The following NEURL1B variants were observed in gnomAD, a reference collection of about 807,000 sequenced individuals.
NEURL1B encodes E3 ubiquitin-protein ligase NEURL1B.
Under a neutral mutation model 37.4 loss-of-function variants are expected in NEURL1B, and 13 were observed. The observed-to-expected ratio is 0.35, with a 90% confidence interval of 0.23 to 0.55. The LOEUF is 0.55. Ranked by LOEUF, NEURL1B falls within the 20% of genes least tolerant of loss-of-function variation. The probability of loss-of-function intolerance (pLI) is 0.89; values close to 1 mark genes in which losing one functional copy is unlikely to be tolerated. For missense variants in NEURL1B, 790 were observed against 879.2 expected, an observed-to-expected ratio of 0.90 and a Z score of 1.28; for synonymous variants, 432 against 426.6, an observed-to-expected ratio of 1.01 and a Z score of -0.16.
chr5:172,687,069 G>A lies in NEURL1B; in HGVS notation c.*144G>A. On this transcript the variant is annotated 3_prime_UTR_variant, in exon 5 of 5. Transcript: ENST00000369800. The stretch of plus-strand genomic sequence containing the variant: ...CAAGGTGTGACAGTCGTGGAGCGAG[G>A]CCCACAGGGCCTCAGCCCAGGCAGG... The A allele has an allele frequency of 4.1e-6, 4 of 980,402 alleles. No individual in the cohort carries two copies. The highest frequency in any genetic ancestry group is 5.8e-6 in the Non-Finnish European group (4 of 684,792). The allele number at this position is 980,402 out of a possible 1,614,324, so 60.7% of individuals were successfully genotyped here.
At chr5:172,677,489 G>T (rs1382504319) in intron 2 of NEURL1B, among the ~76,000 whole-genome samples, 2 of 152,172 alleles carry the variant, frequency 1.3e-5, no homozygotes, top group Admixed American at 1.3e-4. Context: ...GCCAGAATTG[G>T]CCAGGGTCCA....
At position 172,684,046 on chromosome 5, in the gene NEURL1B, C is replaced by A; in HGVS notation, c.1205C>A (p.Pro402Gln). ...GTGCTCCTGGGCATCAACGGGCGTC[C>A]GCGCGGCCGCCTGCTGTGCGTCGAC... is the stretch of plus-strand genomic sequence containing the variant. ...GDVLLGINGRPRGRLLCVDTT... is the reference protein window; with the variant it reads ...GDVLLGINGRQRGRLLCVDTT... The change falls in exon 3 of 5, where the codon CCG (proline) becomes CAG (glutamine). Residue 402 changes from proline (P) to glutamine (Q), a missense_variant. This residue lies in a region of NEURL1B where 460 missense variants were observed against 407.4 expected (regional missense o/e 1.13). Transcript: ENST00000369800. The A allele has an allele frequency of 7.5e-7, 1 of 1,331,508 alleles. No homozygotes were observed. Among genetic ancestry groups the A allele is most frequent in the South Asian group, 1.8e-5 (1 of 56,664 alleles). The allele number at this position is 1,331,508 out of a possible 1,614,324, so 82.5% of individuals were successfully genotyped here.
rs1017414673 is a variant in NEURL1B, at chr5:172,641,551, G to A, written c.31+114G>A. On this transcript the variant is annotated intron_variant, in intron 1 of 4. Transcript: ENST00000369800. This position sits in a 1 kb window ranked among gnomAD's most constrained non-coding sequence, Gnocchi z 6.4. Reference sequence around the variant, plus strand: ...GCCCTTGGAGCCCTCGGCTCGCAGCGGGCTGGAGTCTCCGGTACCTCCCGG... The same window carrying A: ...GCCCTTGGAGCCCTCGGCTCGCAGCAGGCTGGAGTCTCCGGTACCTCCCGG... 7 of 945,264 alleles carry A rather than the reference G, an allele frequency of 7.4e-6. No homozygotes were observed. Among genetic ancestry groups the A allele is most frequent in the Middle Eastern group, 7.5e-4 (2 of 2,668 alleles). 58.6% of individuals were successfully genotyped at this position (945,264 alleles called of 1,614,324 possible).
intron 1 of NEURL1B, among the ~76,000 whole-genome samples, chr5:172,653,855 C>G (rs565932874): frequency 1.8e-4 from 27 of 151,514 alleles, no homozygotes; most frequent in African/African-American, 5.3e-4. Flanking sequence ...ATTTTTTTTT[C>G]TTTCACGACT....
chr5:172,669,075 A>G (rs1258918512), intron 1 of NEURL1B, among the ~76,000 whole-genome samples: 6 of 152,184 alleles, frequency 3.9e-5, no homozygotes, highest in Non-Finnish European at 7.3e-5. Context: ...TAATAATATC[A>G]TATTATTAAT....
rs912496719 is a variant in NEURL1B, at chr5:172,657,328, TGGAG to T, written c.32-12455_32-12452del. On this transcript the variant is annotated intron_variant, in intron 1 of 4. Transcript: ENST00000369800. This position sits in a 1 kb window ranked among gnomAD's most constrained non-coding sequence, Gnocchi z 4.0. ...AGATTCTAATCAGGGCTCCTGTGGG[TGGAG>T]GATTACCCAGGTGCCGAGGCAAGAG... Among the ~76,000 whole-genome samples, 4 of 152,010 alleles carry T rather than the reference TGGAG, an allele frequency of 2.6e-5. No homozygotes were observed. Among genetic ancestry groups the T allele is most frequent in the African/African-American group, 7.3e-5 (3 of 41,368 alleles).
At chr5:172,658,519 G>A (rs565677330) in intron 1 of NEURL1B, among the ~76,000 whole-genome samples, 2 of 152,334 alleles carry the variant, frequency 1.3e-5, no homozygotes, top group East Asian at 3.9e-4. Flanking sequence ...GGGCCTCAGA[G>A]CCGAGTGTGG....
chr5:172,670,256 G>T lies in NEURL1B; in HGVS notation c.503G>T (p.Cys168Phe). The T allele has an allele frequency of 7.2e-7, 1 of 1,393,870 alleles. No homozygotes were observed. 86.3% of individuals were successfully genotyped at this position (1,393,870 alleles called of 1,614,324 possible). A position where few individuals can be genotyped will look rare whatever the true frequency, so the allele number is the denominator to read the frequency against. ...GACGGCGAGCCGGTGCTCTTCCACT[G>T]CGGCGTGGCCGTGGGCGGCCCGCTC... ...VNDGEPVLFH[C>F]GVAVGGPLWA... The change falls in exon 2 of 5, where the codon TGC becomes TTC. Residue 168 changes from cysteine to phenylalanine, a missense_variant. Physicochemically the swap from Cys to Phe is radical, Grantham distance 205. Transcript: ENST00000369800.
At chr5:172,656,214 A>C (rs1757773478) in intron 1 of NEURL1B, among the ~76,000 whole-genome samples, 2 of 152,180 alleles carry the variant, frequency 1.3e-5, no homozygotes, top group Admixed American at 1.3e-4. Context: ...ATAATGAGTT[A>C]GGGTAGAGCA....
At chr5:172,653,822 G>A (rs7729963) in intron 1 of NEURL1B, among the ~76,000 whole-genome samples, 2,456 of 152,040 alleles carry the variant, frequency 0.016, 65 homozygotes, top group African/African-American at 0.056. Flanking sequence ...AACATTTCTT[G>A]CGTAAATTCC....
chr5:172,681,455 C>G (rs114383042), intron 2 of NEURL1B, among the ~76,000 whole-genome samples: 401 of 152,338 alleles, frequency 2.6e-3, no homozygotes, highest in African/African-American at 8.9e-3. Context: ...CACTTCTTCC[C>G]TCGAGCTATG....
chr5:172,652,998 T>C (rs1757697068), intron 1 of NEURL1B, among the ~76,000 whole-genome samples: 1 of 152,012 alleles, frequency 6.6e-6, no homozygotes, highest in Non-Finnish European at 1.5e-5. Flanking sequence ...GCAGTCTTGG[T>C]GGTTAGCAGC....
At chr5:172,654,941 T>C (rs1481722764) in intron 1 of NEURL1B, among the ~76,000 whole-genome samples, 1 of 152,168 alleles carries the variant, frequency 6.6e-6, no homozygotes, top group African/African-American at 2.4e-5. Context: ...TCTCTCCCTT[T>C]CTCTTTGACT....
intron 1 of NEURL1B, among the ~76,000 whole-genome samples, chr5:172,648,280 G>A (rs75600881): frequency 0.066 from 10,061 of 152,284 alleles, 789 homozygotes; most frequent in African/African-American, 0.19. Flanking sequence ...GTGTTCACAC[G>A]TAGCACCTGC....
intron 2 of NEURL1B, among the ~76,000 whole-genome samples, chr5:172,682,797 G>A (rs551419518): frequency 2.0e-4 from 31 of 152,318 alleles, no homozygotes; most frequent in Admixed American, 1.7e-3. Flanking sequence ...TTCAACTCAT[G>A]GGTTCAAGTC....
intron 1 of NEURL1B, among the ~76,000 whole-genome samples, chr5:172,654,167 A>G (rs1757720330): frequency 6.6e-6 from 1 of 152,242 alleles, no homozygotes; most frequent in Admixed American, 6.5e-5. Context: ...GATTTCAATT[A>G]TCCTTTGCTG....
chr5:172,684,134 C>G lies in NEURL1B; in HGVS notation c.1293C>G (p.Leu431=), dbSNP rs573744077. Residue 431 remains leucine, a synonymous_variant, in exon 3 of 5, where the codon CTC becomes CTG. Transcript: ENST00000369800. ...VRGGVAGQLR[L]LGTLQSSPAT... ...GCGGCGTCGCGGGCCAGCTGCGTCT[C>G]CTCGGTGAGTCCCCGGCCCCGCGTG... 8.0e-7 allele frequency: 1 copy of G among 1,248,768 alleles called. No homozygotes were observed. The allele number at this position is 1,248,768 out of a possible 1,614,324, so 77.4% of individuals were successfully genotyped here.
intron 1 of NEURL1B, among the ~76,000 whole-genome samples, chr5:172,658,145 C>T (rs967769459): frequency 3.9e-5 from 6 of 152,170 alleles, no homozygotes; most frequent in Admixed American, 2.0e-4. Context: ...GGCCACTTAC[C>T]GGTCTCCACG....
Position 172,641,397 on chromosome 5 carries a change from C to T in NEURL1B, c.-10C>T, listed in dbSNP as rs1297795071. Reference sequence around the variant, plus strand: ...AGCGCGCCGCCGCCAACGCCGCGCCCGACGCAGCGATGGGCAACACGGTGC... The same window carrying T: ...AGCGCGCCGCCGCCAACGCCGCGCCTGACGCAGCGATGGGCAACACGGTGC... On this transcript the variant is annotated 5_prime_UTR_variant, in exon 1 of 5. Transcript: ENST00000369800. This position sits in a 1 kb window ranked among gnomAD's most constrained non-coding sequence, Gnocchi z 6.4. 2.2e-6 allele frequency: 3 copies of T among 1,379,428 alleles called. No individual in the cohort carries two copies. The highest frequency in any genetic ancestry group is 1.6e-5 in the South Asian group (1 of 61,764). 85.4% of individuals were successfully genotyped at this position (1,379,428 alleles called of 1,614,324 possible). A position where few individuals can be genotyped will look rare whatever the true frequency, so the allele number is the denominator to read the frequency against.
Sources: gnomAD v4.1 joint callset for allele counts (sites outside exome capture counted in the v4.1 genomes callset) on GRCh38, gnomAD v4.1.1 for gene constraint, gnomAD v4.1.1 regional missense constraint, Gnocchi (gnomAD v3.1) non-coding constraint, MANE v1.5 for transcripts, NCBI Gene and HGNC (gene_info 2026-07-23, HGNC 2026-07-21) for gene names.